Variants in MAD1L1 observed in about 807,000 individuals in gnomAD.
MAD1L1 encodes the protein mitotic spindle assembly checkpoint protein MAD1.
MAD1L1 carries 95 observed loss-of-function variants against 96.9 expected under a neutral mutation model. The observed-to-expected ratio is 0.98, with a 90% CI of 0.83 to 1.16. The LOEUF (loss-of-function observed/expected upper bound fraction) is 1.16. MAD1L1 is among the 50% of genes most tolerant of loss of function. The pLI, the probability that MAD1L1 is intolerant of heterozygous loss-of-function variation, is 0.00. For synonymous variants in MAD1L1, 473 were observed against 396.6 expected (o/e 1.19, Z -2.29); for missense variants, 1,007 against 954.4 (o/e 1.06, Z -0.73).
In MAD1L1 at chr7:1,996,881, G is replaced by A. The variant is rs1008944776; in HGVS notation, c.1416+5184C>T. ...AGGATATTTTAGAGCTGAGAGCGGC[G>A]TAATTCCCTCTGAATCGGAAAATAA... On this transcript the variant is annotated intron_variant, in intron 14 of 18. Transcript: ENST00000265854. Among the ~76,000 whole-genome samples, 5 of 80,900 alleles carry A rather than the reference G, an allele frequency of 6.2e-5. 1 individual carries two copies. In the South Asian group the frequency reaches 1.2e-3, roughly 19 times the overall value. 53.1% of individuals were successfully genotyped at this position (80,900 alleles called of 152,430 possible).
At chr7:2,009,259 G>A (rs1782181761) in intron 13 of MAD1L1, among the ~76,000 whole-genome samples, 1 of 152,198 alleles carries the variant, frequency 6.6e-6, no homozygotes, top group Non-Finnish European at 1.5e-5. Context: ...CAACACTCCT[G>A]CCAGCCAGGA....
At chr7:2,149,329 T>C in intron 10 of MAD1L1, 91 bp from the exon 11 acceptor site, 1 of 977,286 alleles carries the variant, frequency 1.0e-6, no homozygotes, top group South Asian at 1.4e-5. Context: ...AAGCAACCTC[T>C]GTAGCTGATG....
In MAD1L1 at chr7:2,067,574, G is replaced by A. The variant is rs542332424; in HGVS notation, c.1218+1620C>T. Among the ~76,000 whole-genome samples the A allele has an allele frequency of 5.2e-4, 79 of 152,262 alleles. No homozygotes were observed. In the Middle Eastern group the frequency reaches 0.01, roughly 20 times the overall value. On this transcript the variant is annotated intron_variant, in intron 12 of 18. Transcript: ENST00000265854. ...TCGGCGGCAGGGTCGGGCTGCACTT[G>A]CCTGAACCCCCGCAGTGGTCAGCCC...
intron 18 of MAD1L1, among the ~76,000 whole-genome samples, chr7:1,856,799 G>A (rs1389377735): frequency 6.6e-6 from 1 of 152,140 alleles, no homozygotes; most frequent in African/African-American, 2.4e-5. Context: ...CCTGGAACGT[G>A]GTCTCGGGCC....
intron 13 of MAD1L1, among the ~76,000 whole-genome samples, chr7:2,011,110 C>G (rs986140063): frequency 3.9e-5 from 6 of 152,160 alleles, no homozygotes; most frequent in East Asian, 1.9e-4. Flanking sequence ...AGGAGCCCTC[C>G]CCGGCTGGGG....
chr7:1,966,087 T>C (rs527676417), intron 15 of MAD1L1, among the ~76,000 whole-genome samples: 225 of 152,354 alleles, frequency 1.5e-3, no homozygotes, highest in Non-Finnish European at 2.2e-3. Context: ...AAGCTGATGA[T>C]AGCTAAGCTG....
rs73038461 is a variant in MAD1L1 at position 2,103,390 on chromosome 7, G to A, written c.1074-34052C>T. On this transcript the variant is annotated intron_variant, in intron 11 of 18. Coordinates refer to ENST00000265854, the MANE Select transcript of MAD1L1 (RefSeq NM_001013836.2). The surrounding 1 kb of genome is among the most constrained non-coding windows in gnomAD (Gnocchi z 4.3). ...TAGACGGCACATGGGACATCGCCAT[G>A]CCTAGTGATGACGTTTCTGTTTGGA... 0.027 allele frequency among the ~76,000 whole-genome samples: 4,125 copies of A among 152,276 alleles called. 98 individuals carry two copies. Among genetic ancestry groups the A allele is most frequent in the South Asian group, 0.09 (434 of 4,828 alleles).
At chr7:1,953,611 G>A (rs753282329) in intron 16 of MAD1L1, among the ~76,000 whole-genome samples, 29 of 152,266 alleles carry the variant, frequency 1.9e-4, no homozygotes, top group Non-Finnish European at 3.5e-4. Flanking sequence ...TACTTAAAGC[G>A]CGTCAGAAGA....
At chr7:1,888,186 G>A (rs1466385518) in intron 18 of MAD1L1, among the ~76,000 whole-genome samples, 2 of 151,150 alleles carry the variant, frequency 1.3e-5, no homozygotes, top group Non-Finnish European at 2.9e-5. Flanking sequence ...GTGCGTGTGT[G>A]CATGCATGTA....
chr7:2,023,439 G>T (rs938693321), intron 12 of MAD1L1, among the ~76,000 whole-genome samples: 5 of 152,012 alleles, frequency 3.3e-5, no homozygotes, highest in African/African-American at 4.8e-5. Flanking sequence ...ATAACGCATG[G>T]GTCAAAGAAG....
At chr7:1,947,963 T>G (rs1273519403) in intron 16 of MAD1L1, among the ~76,000 whole-genome samples, 1 of 152,124 alleles carries the variant, frequency 6.6e-6, no homozygotes, top group Non-Finnish European at 1.5e-5. Flanking sequence ...ACAGAGAAAC[T>G]GAGGCCCAAG....
chr7:2,077,571 C>CG, intron 11 of MAD1L1, among the ~76,000 whole-genome samples: 1 of 152,284 alleles, frequency 6.6e-6, no homozygotes, highest in South Asian at 2.1e-4. Context: ...AGCAAGTGCA[C>CG]GGGCTTGGCT....
chr7:2,178,538 C>T (rs1054060738), intron 10 of MAD1L1, among the ~76,000 whole-genome samples: 27 of 152,204 alleles, frequency 1.8e-4, no homozygotes, highest in African/African-American at 6.3e-4. Context: ...GAGGGGAATT[C>T]ACCCAAATGT....
At position 2,042,887 on chromosome 7, in the gene MAD1L1, ACGTC is replaced by A. The variant is rs1783751208; in HGVS notation, c.1218+26303_1218+26306del. 3.1e-4 allele frequency among the ~76,000 whole-genome samples: 5 copies of A among 16,292 alleles called. No individual in the cohort carries two copies. In the African/African-American group the frequency reaches 5.6e-3, roughly 18 times the overall value. The allele number at this position is 16,292 out of a possible 152,430, so 10.7% of individuals were successfully genotyped here. A position where few individuals can be genotyped will look rare whatever the true frequency, so the allele number is the denominator to read the frequency against. On this transcript the variant is annotated intron_variant, in intron 12 of 18. Coordinates refer to ENST00000265854, the MANE Select transcript of MAD1L1 (RefSeq NM_001013836.2). The stretch of plus-strand genomic sequence containing the variant: ...GGAGCCTTCACGCACACACATGTCC[ACGTC>A]CACGTCCACGTCCACATCCACGTCC...
chr7:1,928,894 T>C (rs918428857), intron 17 of MAD1L1, among the ~76,000 whole-genome samples: 4 of 152,100 alleles, frequency 2.6e-5, no homozygotes, highest in Admixed American at 6.5e-5. Flanking sequence ...GAGCAGCCAT[T>C]AGGGCACCTC....
chr7:2,177,892 T>C (rs1187756694), intron 10 of MAD1L1, among the ~76,000 whole-genome samples: 4 of 152,232 alleles, frequency 2.6e-5, no homozygotes, highest in Non-Finnish European at 1.5e-5. Flanking sequence ...GACTGACACC[T>C]GTGGGGACAG....
chr7:2,087,448 G>A (rs913032713), intron 11 of MAD1L1, among the ~76,000 whole-genome samples: 10 of 152,138 alleles, frequency 6.6e-5, no homozygotes, highest in Admixed American at 2.6e-4. Flanking sequence ...GCTGAGGCAC[G>A]ATAATCACTT....
At position 1,847,762 on chromosome 7, in the gene MAD1L1, G is replaced by A. The variant is rs775202193; in HGVS notation, c.1999-31534C>T. ...GCCCGGGACACGGAACACACTTGCT[G>A]CGTGCTGTGTACAAGAATGAACGAA... On this transcript the variant is annotated intron_variant, in intron 18 of 18. Transcript: ENST00000265854. 106 of 466,336 alleles carry A rather than the reference G, an allele frequency of 2.3e-4. 1 individual carries two copies. The highest frequency in any genetic ancestry group is 2.6e-4 in the Non-Finnish European group (59 of 226,492). 28.9% of individuals were successfully genotyped at this position (466,336 alleles called of 1,614,324 possible). A position where few individuals can be genotyped will look rare whatever the true frequency, so the allele number is the denominator to read the frequency against.
intron 11 of MAD1L1, among the ~76,000 whole-genome samples, chr7:2,110,945 C>T (rs1787346590): frequency 6.6e-6 from 1 of 152,156 alleles, no homozygotes; most frequent in Admixed American, 6.5e-5. Context: ...AAACAAAGCT[C>T]ACTACATCCC....
Sources: allele counts gnomAD v4.1 joint callset (sites outside exome capture counted in the v4.1 genomes callset), GRCh38; gene constraint gnomAD v4.1.1; non-coding constraint Gnocchi (gnomAD v3.1); transcripts MANE v1.5; gene names NCBI Gene and HGNC (gene_info 2026-07-23, HGNC 2026-07-21).